Variants in FRMD4B observed in about 807,000 individuals in gnomAD.
The protein encoded by FRMD4B is FERM domain containing 4B.
Under a neutral mutation model 141.5 loss-of-function variants are expected in FRMD4B, and 74 were observed. The ratio of observed to expected loss-of-function variants is 0.52; its 90% CI spans 0.43 to 0.63. The LOEUF is 0.63. Among genes scored for constraint, FRMD4B ranks in the 30% least tolerant of loss-of-function variants. The pLI, the probability that FRMD4B is intolerant of heterozygous loss-of-function variation, is 0.00. For synonymous variants in FRMD4B, 506 were observed against 467.9 expected, an observed-to-expected ratio of 1.08 and a Z score of -1.05; for missense variants, 1,366 against 1,253.4, an observed-to-expected ratio of 1.09 and a Z score of -1.36.
intron 1 of FRMD4B, among the ~76,000 whole-genome samples, chr3:69,338,319 G>T (rs143599963): frequency 4.6e-5 from 7 of 150,970 alleles, no homozygotes; most frequent in African/African-American, 1.5e-4. Flanking sequence ...AGTGGGGAGA[G>T]GGGGGAGGGA....
At chr3:69,300,789 A>G (rs1266125492) in intron 4 of FRMD4B, among the ~76,000 whole-genome samples, 5 of 152,064 alleles carry the variant, frequency 3.3e-5, no homozygotes, top group Admixed American at 6.6e-5. Flanking sequence ...TCCATGCTGG[A>G]GTGCAATAGT....
chr3:69,226,768 T>A (rs1378395424), intron 7 of FRMD4B, among the ~76,000 whole-genome samples: 1 of 152,236 alleles, frequency 6.6e-6, no homozygotes, highest in African/African-American at 2.4e-5. Flanking sequence ...GGAACTGTTT[T>A]TAACTCATAC....
chr3:69,469,352 A>T (rs974539640), intron 1 of FRMD4B, among the ~76,000 whole-genome samples: 5 of 152,244 alleles, frequency 3.3e-5, no homozygotes, highest in African/African-American at 1.2e-4. Context: ...AACAACTCAG[A>T]AATGTAAGCA....
chr3:69,342,548 T>C (rs1702773715), intron 1 of FRMD4B, among the ~76,000 whole-genome samples: 1 of 152,210 alleles, frequency 6.6e-6, no homozygotes, highest in Admixed American at 6.5e-5. Flanking sequence ...TTTGCCATAT[T>C]TGGGATAGTT....
intron 11 of FRMD4B, among the ~76,000 whole-genome samples, chr3:69,202,058 G>A (rs1003747278): frequency 1.3e-5 from 2 of 152,054 alleles, no homozygotes; most frequent in Admixed American, 6.6e-5. Context: ...ACAAAACTTA[G>A]CCGGGTATGG....
At chr3:69,409,662 G>T (rs1303356153) in intron 2 of FRMD4B, among the ~76,000 whole-genome samples, 3 of 152,186 alleles carry the variant, frequency 2.0e-5, no homozygotes, top group Non-Finnish European at 4.4e-5. Flanking sequence ...TGGCATGTGA[G>T]GGGACCTGGG....
intron 2 of FRMD4B, among the ~76,000 whole-genome samples, chr3:69,400,916 T>G (rs1354526302): frequency 6.6e-6 from 1 of 152,224 alleles, no homozygotes; most frequent in African/African-American, 2.4e-5. Context: ...TGTTCCCTGT[T>G]CGTATTTCTA....
At chr3:69,541,903 G>A (rs1701191927) in intron 1 of FRMD4B, among the ~76,000 whole-genome samples, 1 of 152,034 alleles carries the variant, frequency 6.6e-6, no homozygotes, top group Admixed American at 6.5e-5. Flanking sequence ...CGCGGTCCCC[G>A]GCGGCGCGTT....
intron 1 of FRMD4B, among the ~76,000 whole-genome samples, chr3:69,440,276 A>T (rs1284468374): frequency 6.6e-6 from 1 of 152,178 alleles, no homozygotes; most frequent in East Asian, 1.9e-4. Flanking sequence ...CTTACAGGCT[A>T]TCAGTTGTAA....
chr3:69,483,605 G>A (rs542648717), intron 1 of FRMD4B, among the ~76,000 whole-genome samples: 2 of 152,214 alleles, frequency 1.3e-5, no homozygotes, highest in South Asian at 4.1e-4. Context: ...GTCACCAAAG[G>A]GACATTTCCC....
At chr3:69,433,080 T>C (rs1408570836) in intron 1 of FRMD4B, 1 of 152,206 alleles carries the variant, frequency 6.6e-6, no homozygotes, top group East Asian at 1.9e-4. Flanking sequence ...CTCAAAGTTA[T>C]CTACACTCAG....
chr3:69,189,084 T>A (rs4855298), intron 18 of FRMD4B, among the ~76,000 whole-genome samples: 10,128 of 150,220 alleles, frequency 0.067, 796 homozygotes, highest in East Asian at 0.31. Flanking sequence ...TAGCCAGGAG[T>A]GGTGCCCAAT....
intron 7 of FRMD4B, among the ~76,000 whole-genome samples, chr3:69,228,793 C>A (rs558080381): frequency 8.0e-5 from 12 of 149,498 alleles, no homozygotes; most frequent in South Asian, 2.1e-4. Flanking sequence ...ATGATTGCAC[C>A]AATATATTAC....
intron 2 of FRMD4B, among the ~76,000 whole-genome samples, chr3:69,427,354 T>C (rs1705100808): frequency 6.7e-6 from 1 of 149,180 alleles, no homozygotes; most frequent in Non-Finnish European, 1.5e-5. Context: ...TCATTGTGTT[T>C]AAGCCCTTAA....
intron 1 of FRMD4B, among the ~76,000 whole-genome samples, chr3:69,530,973 G>C (rs1701001605): frequency 2.0e-5 from 3 of 152,206 alleles, no homozygotes. Context: ...AATACCCAAA[G>C]AGGGGCAGAG....
intron 1 of FRMD4B, among the ~76,000 whole-genome samples, chr3:69,520,191 A>C (rs181178583): frequency 2.2e-4 from 22 of 102,002 alleles, no homozygotes; most frequent in African/African-American, 1.0e-3. Flanking sequence ...ATATGATGGA[A>C]TATATATATG....
At chr3:69,505,016 C>T (rs1706571567) in intron 1 of FRMD4B, among the ~76,000 whole-genome samples, 1 of 152,072 alleles carries the variant, frequency 6.6e-6, no homozygotes, top group African/African-American at 2.4e-5. Context: ...AGCAACATCC[C>T]CAGGGATTCT....
chr3:69,177,108 C>T (rs1390304874), intron 21 of FRMD4B, among the ~76,000 whole-genome samples: 3 of 152,004 alleles, frequency 2.0e-5, no homozygotes, highest in African/African-American at 4.8e-5. Context: ...GAAGCCGAGG[C>T]GGGAGGACCA....
chr3:69,276,987 T>C (rs2093620937), intron 5 of FRMD4B, among the ~76,000 whole-genome samples: 1 of 152,174 alleles, frequency 6.6e-6, no homozygotes, highest in African/African-American at 2.4e-5. Context: ...GTTAAGAGCA[T>C]GTTTTCAGAT....
Sources: allele counts gnomAD v4.1 joint callset (sites outside exome capture counted in the v4.1 genomes callset), GRCh38; gene constraint gnomAD v4.1.1; transcripts MANE v1.5; gene names NCBI Gene and HGNC (gene_info 2026-07-23, HGNC 2026-07-21).